The following TNXB variants were observed in gnomAD, a reference collection of about 807,000 sequenced individuals.
TNXB encodes tenascin XB.
Under a neutral mutation model 340.5 loss-of-function variants are expected in TNXB, and 183 were observed. That is an observed-to-expected ratio of 0.54 (90% confidence interval 0.48 to 0.61). TNXB has a LOEUF of 0.61. TNXB is among the 20% of genes least tolerant of loss of function. The pLI, the probability that TNXB is intolerant of heterozygous loss-of-function variation, is 0.00. For synonymous variants in TNXB, 2,121 were observed against 2,314.5 expected, an observed-to-expected ratio of 0.92 and a Z score of 2.40; for missense variants, 4,613 against 5,446.4, an observed-to-expected ratio of 0.85 and a Z score of 4.82.
chr6:32,091,502 A>G (rs1780074170), intron 4 of TNXB, among the ~76,000 whole-genome samples: 1 of 145,958 alleles, frequency 6.9e-6, no homozygotes, highest in Non-Finnish European at 1.5e-5. Context: ...TTTGAGACGG[A>G]ATTTCGCTCT....
chr6:32,067,163 G>GAA lies in TNXB; in HGVS notation c.6544+496_6544+497dup, dbSNP rs1778416660. Among the ~76,000 whole-genome samples, 1 of 151,544 alleles carries GAA rather than the reference G, an allele frequency of 6.6e-6. No individual in the cohort carries two copies. On this transcript the variant is annotated intron_variant, in intron 18 of 43. Coordinates refer to ENST00000644971, the MANE Select transcript of TNXB (RefSeq NM_001365276.2). The surrounding 1 kb of genome is among the most constrained non-coding windows in gnomAD (Gnocchi z 4.2). The stretch of plus-strand genomic sequence containing the variant: ...AGAAAGAAAGAAAGAAAGAAAGAAA[G>GAA]AAAGAAAGAAAGAAAGAAAGAAAAC...
Position 32,087,779 on chromosome 6 carries a change from C to G in TNXB, c.2779+1006G>C, listed in dbSNP as rs774014508. 1 of 510,922 alleles carries G rather than the reference C, an allele frequency of 2.0e-6. No individual in the cohort carries two copies. Among genetic ancestry groups the G allele is most frequent in the Admixed American group, 2.0e-5 (1 of 51,134 alleles). The allele number at this position is 510,922 out of a possible 1,614,324, so 31.6% of individuals were successfully genotyped here. ...TGGCGCTCCAGGTCCTGCACCGTGC[C>G]GCGGAAACGGCTCAGCTCGGCCGTC... On this transcript the variant is annotated intron_variant, in intron 6 of 43. Transcript: ENST00000644971. This position sits in a 1 kb window ranked among gnomAD's most constrained non-coding sequence, Gnocchi z 9.0.
chr6:32,064,810 T>G lies in TNXB; in HGVS notation c.6841+11A>C. 2 of 1,608,722 alleles carry G rather than the reference T, an allele frequency of 1.2e-6. No homozygotes were observed. Among genetic ancestry groups the G allele is most frequent in the South Asian group, 1.1e-5 (1 of 90,688 alleles). On this transcript the variant is annotated intron_variant, in intron 19 of 43. Coordinates refer to ENST00000644971, the MANE Select transcript of TNXB (RefSeq NM_001365276.2). This position sits in a 1 kb window ranked among gnomAD's most constrained non-coding sequence, Gnocchi z 5.3. ...TTCAGGGCAGGGCCCAGTGCCCTACTGCACACTCACCAGTTAAACCAACAG... is the reference window on the plus strand; with the variant it reads ...TTCAGGGCAGGGCCCAGTGCCCTACGGCACACTCACCAGTTAAACCAACAG...
intron 11 of TNXB, among the ~76,000 whole-genome samples, chr6:32,078,804 G>T (rs1779260030): frequency 6.6e-6 from 1 of 152,208 alleles, no homozygotes; most frequent in Non-Finnish European, 1.5e-5. Context: ...AACTCTGTGA[G>T]GTAGGTGTCC....
intron 21 of TNXB, among the ~76,000 whole-genome samples, chr6:32,060,114 C>A (rs1777919354): frequency 6.6e-6 from 1 of 151,920 alleles, no homozygotes; most frequent in South Asian, 2.1e-4. Context: ...GCGGGCAGAT[C>A]ACCTGAGGTC....
At chr6:32,071,856 G>A in intron 13 of TNXB, 134 bp downstream of exon 13, 1 of 768,918 alleles carries the variant, frequency 1.3e-6, no homozygotes, top group Non-Finnish European at 2.0e-6. Context: ...ACAGGCATGA[G>A]TCACTGTGCT....
In TNXB at chr6:32,061,736, A is replaced by C; in HGVS notation, c.7169-16T>G. 2 of 1,607,284 alleles carry C rather than the reference A, an allele frequency of 1.2e-6. No homozygotes were observed. The highest frequency in any genetic ancestry group is 2.2e-5 in the East Asian group (1 of 44,734). On this transcript the variant is annotated splice_polypyrimidine_tract_variant and intron_variant, in intron 20 of 43. Transcript: ENST00000644971. This position sits in a 1 kb window ranked among gnomAD's most constrained non-coding sequence, Gnocchi z 4.4. ...TCCTCTGCAGCTGAGAAAAAGGGAC[A>C]CAGAGAGGATGGCAGGGTCCCTGGG...
In TNXB at chr6:32,080,926, TG is replaced by T. The variant is rs1327484978; in HGVS notation, c.4042+441del. Among the ~76,000 whole-genome samples, 1 of 152,172 alleles carries T rather than the reference TG, an allele frequency of 6.6e-6. No individual in the cohort carries two copies. The highest frequency in any genetic ancestry group is 1.9e-4 in the East Asian group (1 of 5,194). On this transcript the variant is annotated intron_variant, in intron 10 of 43. Coordinates refer to ENST00000644971, the MANE Select transcript of TNXB (RefSeq NM_001365276.2). This position sits in a 1 kb window ranked among gnomAD's most constrained non-coding sequence, Gnocchi z 4.3. Reference sequence around the variant, plus strand: ...ACGTGGTGCTCTTGTCACTTGGATCTGCCACCTCTGAACACAGCAGAAATGG... The same window carrying T: ...ACGTGGTGCTCTTGTCACTTGGATCTCCACCTCTGAACACAGCAGAAATGG...
Position 32,069,583 on chromosome 6 carries a change from C to T in TNXB, c.5557G>A (p.Val1853Met), listed in dbSNP as rs555715990. The change falls in exon 15 of 44, where the codon GTG (valine) becomes ATG (methionine). Residue 1853 changes from valine to methionine, a missense_variant. Transcript: ENST00000644971. This position sits in a 1 kb window ranked among gnomAD's most constrained non-coding sequence, Gnocchi z 6.2. The stretch of plus-strand genomic sequence containing the variant: ...ATGGCGACGGCCGAGATGGGGCCCA[C>T]ACGCTTGCCGTGGTGCAGCCCGTAG... The part of the protein sequence containing the change: ...LLYGLHHGKR[V>M]GPISAVAITA... The T allele has an allele frequency of 1.3e-6, 2 of 1,590,264 alleles. No homozygotes were observed. The highest frequency in any genetic ancestry group is 1.1e-5 in the South Asian group (1 of 89,122).
At position 32,070,330 on chromosome 6, in the gene TNXB, A is replaced by G. The variant is rs1431241491; in HGVS notation, c.5075T>C (p.Leu1692Pro). 8 of 1,610,418 alleles carry G rather than the reference A, an allele frequency of 5.0e-6. No individual in the cohort carries two copies. ...CTGGCCCTCAGGAACCGTCCAGGAG[A>G]GGCGCAGTGAGTCTGGGGTGGGGTC... Reference protein sequence around the residue: ...VTDPTPDSLRLSWTVPEGQFD... With the variant: ...VTDPTPDSLRPSWTVPEGQFD... The change falls in exon 14 of 44, where the codon CTC (leucine) becomes CCC (proline). Residue 1692 changes from leucine to proline, a missense_variant. Leu to Pro is a moderately conservative substitution (Grantham distance 98). Coordinates refer to ENST00000644971, the MANE Select transcript of TNXB (RefSeq NM_001365276.2). The surrounding 1 kb of genome is among the most constrained non-coding windows in gnomAD (Gnocchi z 6.0).
rs1452089183 is a variant in TNXB at position 32,052,324 on chromosome 6, G to C, written c.9115+346C>G. On this transcript the variant is annotated intron_variant, in intron 26 of 43. Transcript: ENST00000644971. The surrounding 1 kb of genome is among the most constrained non-coding windows in gnomAD (Gnocchi z 4.7). Reference sequence around the variant, plus strand: ...AAATTAGCTGGGCGTGGTGGCGCACGCCTGTAGTCCCAGTTACTCAGGAGG... The same window carrying C: ...AAATTAGCTGGGCGTGGTGGCGCACCCCTGTAGTCCCAGTTACTCAGGAGG... 6.6e-6 allele frequency among the ~76,000 whole-genome samples: 1 copy of C among 152,052 alleles called. No individual in the cohort carries two copies. The highest frequency in any genetic ancestry group is 2.4e-5 in the African/African-American group (1 of 41,388).
chr6:32,097,295 G>C lies in TNXB; in HGVS notation c.558C>G (p.Ser186=), dbSNP rs1386498817. 1 of 1,613,534 alleles carries C rather than the reference G, an allele frequency of 6.2e-7. No homozygotes were observed. ...PPSSPPSASG[S]CPDDCNDQGR... ...CCTGATCATTGCAGTCATCTGGGCA[G>C]GACCCCGAGGCTGAGGGTGGGGAAG... Residue 186 remains serine, a synonymous_variant, in exon 3 of 44, where the codon TCC becomes TCG. Coordinates refer to ENST00000644971, the MANE Select transcript of TNXB (RefSeq NM_001365276.2). The surrounding 1 kb of genome is among the most constrained non-coding windows in gnomAD (Gnocchi z 5.9).
intron 6 of TNXB, among the ~76,000 whole-genome samples, chr6:32,086,350 T>C (rs1173745551): frequency 6.6e-6 from 1 of 152,084 alleles, no homozygotes; most frequent in Non-Finnish European, 1.5e-5. Flanking sequence ...ATAGGTAAAA[T>C]AAAGCCTGCT....
intron 3 of TNXB, 53 bp downstream of exon 3, chr6:32,095,558 C>T (rs1780282688): frequency 6.4e-7 from 1 of 1,568,656 alleles, no homozygotes; most frequent in African/African-American, 1.3e-5. Flanking sequence ...CCCCATGGCT[C>T]CTGTTCACAG....
At position 32,082,844 on chromosome 6, in the gene TNXB, G is replaced by A. The variant is rs148442312; in HGVS notation, c.3446-518C>T. Among the ~76,000 whole-genome samples the A allele has an allele frequency of 2.8e-4, 43 of 152,122 alleles. No homozygotes were observed. In the East Asian group the frequency reaches 7.5e-3, roughly 27 times the overall value. ...CTTTGACCCATGGATGGACTCCCTC[G>A]CCTGCAGCACTGACCCTTCACTCCC... On this transcript the variant is annotated intron_variant, in intron 8 of 43. Coordinates refer to ENST00000644971, the MANE Select transcript of TNXB (RefSeq NM_001365276.2). The surrounding 1 kb of genome is among the most constrained non-coding windows in gnomAD (Gnocchi z 5.0).
rs1164726362 is a variant in TNXB, at chr6:32,046,624, A to G, written c.10325-168T>C. On this transcript the variant is annotated intron_variant, in intron 30 of 43. Transcript: ENST00000644971. The surrounding 1 kb of genome is among the most constrained non-coding windows in gnomAD (Gnocchi z 6.9). ...GCTCCCGCCATGCCCCACAGGAATG[A>G]GGGAGAACAGCCCCCTCCTCCTCTG... 3 of 550,100 alleles carry G rather than the reference A, an allele frequency of 5.5e-6. No homozygotes were observed. Among genetic ancestry groups the G allele is most frequent in the Non-Finnish European group, 9.2e-6 (3 of 326,202 alleles). The allele number at this position is 550,100 out of a possible 1,614,324, so 34.1% of individuals were successfully genotyped here.
intron 1 of TNXB, among the ~76,000 whole-genome samples, chr6:32,100,342 C>T (rs1562883331): frequency 6.6e-6 from 1 of 152,028 alleles, no homozygotes; most frequent in African/African-American, 2.4e-5. Context: ...TGAACTCAGG[C>T]AATCCGCCCG....
rs1398479458 is a variant in TNXB at position 32,058,466 on chromosome 6, T to A, written c.7493-76A>T. 2.3e-6 allele frequency: 3 copies of A among 1,282,978 alleles called. No individual in the cohort carries two copies. The highest frequency in any genetic ancestry group is 2.1e-6 in the Non-Finnish European group (2 of 943,888). 79.5% of individuals were successfully genotyped at this position (1,282,978 alleles called of 1,614,324 possible). A position where few individuals can be genotyped will look rare whatever the true frequency, so the allele number is the denominator to read the frequency against. ...GCTTTGCTGGTGCTGTCAACAGAGG[T>A]CATACATCAAATGTGCCCCTCCAGA... is the stretch of plus-strand genomic sequence containing the variant. On this transcript the variant is annotated intron_variant, in intron 21 of 43. Coordinates refer to ENST00000644971, the MANE Select transcript of TNXB (RefSeq NM_001365276.2). The surrounding 1 kb of genome is among the most constrained non-coding windows in gnomAD (Gnocchi z 5.1).
chr6:32,052,875 G>A lies in TNXB; in HGVS notation c.8910C>T (p.Leu2970=). Residue 2970 remains leucine, a synonymous_variant, in exon 26 of 44, where the codon CTC becomes CTT. Coordinates refer to ENST00000644971, the MANE Select transcript of TNXB (RefSeq NM_001365276.2). The surrounding 1 kb of genome is among the most constrained non-coding windows in gnomAD (Gnocchi z 4.7). ...AGCGGCCCTGGGGGATGGTCCAGGA[G>A]AGGCTCAGCGAGTCAGGGGAGGATC... ...VTGSSPDSLS[L]SWTIPQGRFD... The A allele has an allele frequency of 6.2e-7, 1 of 1,613,132 alleles. No homozygotes were observed. The highest frequency in any genetic ancestry group is 1.1e-5 in the South Asian group (1 of 91,080).
Sources: gnomAD v4.1 joint callset for allele counts (sites outside exome capture counted in the v4.1 genomes callset) on GRCh38, gnomAD v4.1.1 for gene constraint, Gnocchi (gnomAD v3.1) non-coding constraint, MANE v1.5 for transcripts, NCBI Gene and HGNC (gene_info 2026-07-23, HGNC 2026-07-21) for gene names.